Variants in SH3D19 observed in about 807,000 individuals in gnomAD.
SH3D19 encodes SH3 domain containing 19, also known as SH3 domain-containing protein 19.
SH3D19 carries 58 observed loss-of-function variants against 112.1 expected under a neutral mutation model. That is an observed-to-expected ratio of 0.52 (90% CI 0.42 to 0.64). The LOEUF (loss-of-function observed/expected upper bound fraction) is 0.64. Ranked by LOEUF, SH3D19 falls within the 30% of genes least tolerant of loss-of-function variation. The probability of loss-of-function intolerance (pLI) is 0.00; values close to 1 mark genes in which losing one functional copy is unlikely to be tolerated. For synonymous variants in SH3D19, 391 were observed against 448.5 expected, an observed-to-expected ratio of 0.87 and a Z score of 1.62; for missense variants, 1,090 against 1,263.4, an observed-to-expected ratio of 0.86 and a Z score of 2.08.
chr4:151,289,143 G>A (rs1332081813), intron 1 of SH3D19, among the ~76,000 whole-genome samples: 2 of 152,128 alleles, frequency 1.3e-5, no homozygotes, highest in African/African-American at 4.8e-5. Flanking sequence ...ACAAATAATA[G>A]TCATTTCAAC....
intron 1 of SH3D19, chr4:151,291,265 T>A: frequency 1.2e-6 from 2 of 1,614,026 alleles, no homozygotes; most frequent in Middle Eastern, 1.6e-4. Flanking sequence ...TGCCACTATT[T>A]CAAGAGCCAA....
intron 1 of SH3D19, among the ~76,000 whole-genome samples, chr4:151,274,566 A>C (rs908356136): frequency 6.6e-6 from 1 of 152,224 alleles, no homozygotes; most frequent in Non-Finnish European, 1.5e-5. Flanking sequence ...ATGACATGGA[A>C]TTCGGTTGAG....
At chr4:151,290,100 C>T (rs1214725786) in intron 1 of SH3D19, among the ~76,000 whole-genome samples, 1 of 152,126 alleles carries the variant, frequency 6.6e-6, no homozygotes, top group East Asian at 1.9e-4. Flanking sequence ...CATATGCCAC[C>T]ATAGCAGCTA....
intron 1 of SH3D19, among the ~76,000 whole-genome samples, chr4:151,239,567 A>G (rs1001135103): frequency 1.3e-5 from 2 of 152,188 alleles, no homozygotes; most frequent in African/African-American, 4.8e-5. Flanking sequence ...GTAATGAAAA[A>G]TGTACTGTTT....
At chr4:151,270,310 T>C (rs1437956676) in intron 1 of SH3D19, among the ~76,000 whole-genome samples, 1 of 152,186 alleles carries the variant, frequency 6.6e-6, no homozygotes, top group Non-Finnish European at 1.5e-5. Flanking sequence ...ATCCTCTTGG[T>C]ACTATCCTCA....
intron 1 of SH3D19, among the ~76,000 whole-genome samples, chr4:151,228,974 C>T (rs980135297): frequency 6.6e-6 from 1 of 151,902 alleles, no homozygotes; most frequent in Non-Finnish European, 1.5e-5. Flanking sequence ...CCCATCTCAG[C>T]CTCCCAAGTA....
chr4:151,292,565 T>C (rs2150020498), intron 1 of SH3D19, among the ~76,000 whole-genome samples: 1 of 152,296 alleles, frequency 6.6e-6, no homozygotes, highest in Middle Eastern at 3.4e-3. Flanking sequence ...GCTTCCTTTG[T>C]TAAACAATCA....
intron 2 of SH3D19, among the ~76,000 whole-genome samples, chr4:151,216,509 A>C (rs1428025669): frequency 2.6e-5 from 4 of 152,216 alleles, no homozygotes; most frequent in Non-Finnish European, 4.4e-5. Flanking sequence ...ATTATACTGC[A>C]GAAAGGTAAA....
At chr4:151,325,187 GC>G in intron 1 of SH3D19, 53 bp downstream of exon 1, 1 of 1,022,610 alleles carries the variant, frequency 9.8e-7, no homozygotes, top group Non-Finnish European at 1.2e-6. Flanking sequence ...GACCCGAGCG[GC>G]CCCAGAGCGC....
intron 1 of SH3D19, among the ~76,000 whole-genome samples, chr4:151,230,644 A>C (rs899746631): frequency 6.7e-6 from 1 of 149,470 alleles, no homozygotes; most frequent in African/African-American, 2.5e-5. Context: ...TCTGTCACCC[A>C]GGCTGGAGTG....
intron 14 of SH3D19, 49 bp from the exon 15 acceptor site, chr4:151,135,181 A>G (rs535157803): frequency 2.3e-5 from 34 of 1,467,324 alleles, no homozygotes; most frequent in Non-Finnish European, 3.1e-5. Context: ...TCAGATTTTC[A>G]TAAGATAAAT....
At chr4:151,297,200 A>G (rs536917952) in intron 1 of SH3D19, among the ~76,000 whole-genome samples, 1 of 152,376 alleles carries the variant, frequency 6.6e-6, no homozygotes, top group South Asian at 2.1e-4. Context: ...TGAAGAATAA[A>G]AAAGATAGAA....
At chr4:151,236,400 T>G (rs917497468) in intron 1 of SH3D19, among the ~76,000 whole-genome samples, 11 of 152,322 alleles carry the variant, frequency 7.2e-5, no homozygotes, top group African/African-American at 2.6e-4. Context: ...CCGGGCTAGG[T>G]GCTGCAAAGT....
At chr4:151,233,950 T>C (rs1355023598) in intron 1 of SH3D19, among the ~76,000 whole-genome samples, 2 of 152,216 alleles carry the variant, frequency 1.3e-5, no homozygotes, top group Non-Finnish European at 2.9e-5. Context: ...TACTATCCAA[T>C]GCCCTCCCAT....
intron 1 of SH3D19, among the ~76,000 whole-genome samples, chr4:151,274,343 T>C (rs1773432848): frequency 6.6e-6 from 1 of 152,226 alleles, no homozygotes; most frequent in African/African-American, 2.4e-5. Context: ...GCATCTGCCC[T>C]GCCACAATAG....
chr4:151,196,905 T>G (rs10461237), intron 2 of SH3D19, among the ~76,000 whole-genome samples: 2,121 of 152,268 alleles, frequency 0.014, 61 homozygotes, highest in East Asian at 0.13. Flanking sequence ...CCGACATCAT[T>G]AATTATCAGA....
rs1042967953 is a variant in SH3D19, at chr4:151,169,348, C to T, written c.1535-3652G>A. Among the ~76,000 whole-genome samples, 8 of 152,122 alleles carry T rather than the reference C, an allele frequency of 5.3e-5. No homozygotes were observed. The South Asian group carries it at 6.2e-4, about 12-fold the overall frequency. On this transcript the variant is annotated intron_variant, in intron 7 of 19. Coordinates refer to ENST00000604030, the MANE Select transcript of SH3D19 (RefSeq NM_001378122.1). ...CAAGGAAGTCTTCGTGTTCCACCAC[C>T]GCAGGCTGTTTGGCAGGAGTGGTCT...
intron 1 of SH3D19, among the ~76,000 whole-genome samples, chr4:151,300,306 T>A (rs1370639674): frequency 6.6e-6 from 1 of 152,150 alleles, no homozygotes; most frequent in Non-Finnish European, 1.5e-5. Context: ...TGCGTGATAC[T>A]ATACACATCA....
At chr4:151,314,694 A>C (rs888176361) in intron 1 of SH3D19, among the ~76,000 whole-genome samples, 1 of 152,224 alleles carries the variant, frequency 6.6e-6, no homozygotes, top group African/African-American at 2.4e-5. Flanking sequence ...AACAAGGTAG[A>C]GTTTCTTATT....
Sources: allele counts gnomAD v4.1 joint callset (sites outside exome capture counted in the v4.1 genomes callset), GRCh38; gene constraint gnomAD v4.1.1; transcripts MANE v1.5; gene names NCBI Gene and HGNC (gene_info 2026-07-23, HGNC 2026-07-21).